The following CDC5L variants were observed in gnomAD, a reference collection of about 807,000 sequenced individuals.
The protein encoded by CDC5L is cell division cycle 5 like.
Under a neutral mutation model 104.1 loss-of-function variants are expected in CDC5L, and 18 were observed. The ratio of observed to expected loss-of-function variants is 0.17; its 90% CI spans 0.12 to 0.26. The LOEUF is 0.26. Among genes scored for constraint, CDC5L ranks in the 10% least tolerant of loss-of-function variants. The pLI is 1.00. For missense variants in CDC5L, 673 were observed against 956.9 expected (o/e 0.70, Z 3.91); for synonymous variants, 331 against 322.7 (o/e 1.03, Z -0.28).
intron 14 of CDC5L, among the ~76,000 whole-genome samples, chr6:44,438,062 C>T (rs1344871227): frequency 6.6e-6 from 1 of 152,164 alleles, no homozygotes; most frequent in Non-Finnish European, 1.5e-5. Context: ...GTGATTCCCG[C>T]CTCAGTCTCC....
intron 14 of CDC5L, among the ~76,000 whole-genome samples, chr6:44,431,536 A>G (rs1391026863): frequency 6.6e-6 from 1 of 152,204 alleles, no homozygotes; most frequent in Non-Finnish European, 1.5e-5. Context: ...CTTACTTAGT[A>G]TGAAAATCTT....
chr6:44,425,311 T>C (rs1482565258), intron 11 of CDC5L, among the ~76,000 whole-genome samples: 1 of 152,176 alleles, frequency 6.6e-6, no homozygotes, highest in Non-Finnish European at 1.5e-5. Context: ...ATAATGCAGA[T>C]GTTCCAGAAT....
chr6:44,389,101 A>G (rs988582148), intron 1 of CDC5L, among the ~76,000 whole-genome samples: 19 of 152,210 alleles, frequency 1.2e-4, no homozygotes, highest in African/African-American at 4.6e-4. Flanking sequence ...GACAGTAACC[A>G]ACATGAAGTA....
intron 1 of CDC5L, among the ~76,000 whole-genome samples, chr6:44,389,769 A>G (rs760657680): frequency 2.0e-5 from 3 of 152,318 alleles, no homozygotes; most frequent in Non-Finnish European, 4.4e-5. Context: ...CAGAGTCCCA[A>G]CTTGCTTCTT....
chr6:44,433,947 A>G (rs1431512850), intron 14 of CDC5L, among the ~76,000 whole-genome samples: 1 of 152,196 alleles, frequency 6.6e-6, no homozygotes, highest in Admixed American at 6.5e-5. Flanking sequence ...GTAGAGTGCT[A>G]TATGTTGTCA....
Position 44,406,304 on chromosome 6 carries a change from C to T in CDC5L, c.759-19C>T, listed in dbSNP as rs1791362252. 1 of 1,565,596 alleles carries T rather than the reference C, an allele frequency of 6.4e-7. No homozygotes were observed. Among genetic ancestry groups the T allele is most frequent in the African/African-American group, 1.4e-5 (1 of 72,424 alleles). ...TATATGTAACTTAAAAATCTCTTTT[C>T]TACTTTGATCCATGACAGTGAAAAA... is the stretch of plus-strand genomic sequence containing the variant. On this transcript the variant is annotated intron_variant, in intron 6 of 15. Coordinates refer to ENST00000371477, the MANE Select transcript of CDC5L (RefSeq NM_001253.4).
chr6:44,390,717 C>G (rs1020933369), intron 2 of CDC5L, among the ~76,000 whole-genome samples: 2 of 152,084 alleles, frequency 1.3e-5, no homozygotes, highest in African/African-American at 4.8e-5. Context: ...TGAGCCCCAG[C>G]TTGTAAATTA....
At chr6:44,432,965 T>G (rs1792754544) in intron 14 of CDC5L, among the ~76,000 whole-genome samples, 1 of 152,220 alleles carries the variant, frequency 6.6e-6, no homozygotes, top group African/African-American at 2.4e-5. Flanking sequence ...TTAATAGCTT[T>G]AAAGACACTA....
intron 8 of CDC5L, among the ~76,000 whole-genome samples, chr6:44,411,235 G>A (rs181622318): frequency 6.6e-6 from 1 of 152,200 alleles, no homozygotes; most frequent in African/African-American, 2.4e-5. Context: ...CTTAGGTGTG[G>A]GTAGGGCTCC....
At chr6:44,389,311 A>G (rs1177319214) in intron 1 of CDC5L, among the ~76,000 whole-genome samples, 2 of 152,206 alleles carry the variant, frequency 1.3e-5, no homozygotes, top group African/African-American at 4.8e-5. Context: ...ACAGATATAA[A>G]ATCAAGTAAC....
At chr6:44,446,067 A>G (rs989618315) in intron 15 of CDC5L, among the ~76,000 whole-genome samples, 200 bp downstream of exon 15, 3 of 152,292 alleles carry the variant, frequency 2.0e-5, no homozygotes, top group Non-Finnish European at 4.4e-5. Flanking sequence ...GTAGATACAA[A>G]GGCCTTCCCT....
chr6:44,413,521 C>G (rs1791755595), intron 8 of CDC5L, among the ~76,000 whole-genome samples: 1 of 152,132 alleles, frequency 6.6e-6, no homozygotes, highest in South Asian at 2.1e-4. Context: ...TTACTGGGTC[C>G]TATGGTGACT....
At chr6:44,411,044 A>G (rs921703875) in intron 8 of CDC5L, among the ~76,000 whole-genome samples, 1 of 149,922 alleles carries the variant, frequency 6.7e-6, no homozygotes, top group African/African-American at 2.5e-5. Context: ...TGAGTATCTT[A>G]TTTCTCTGAG....
chr6:44,387,945 G>GA lies in CDC5L; in HGVS notation c.45+77_45+78insA, dbSNP rs1561965075. 2.1e-6 allele frequency: 3 copies of GA among 1,451,244 alleles called. No homozygotes were observed. In the African/African-American group the frequency reaches 4.3e-5, roughly 21 times the overall value. The allele number at this position is 1,451,244 out of a possible 1,614,324, so 89.9% of individuals were successfully genotyped here. On this transcript the variant is annotated intron_variant, in intron 1 of 15. Coordinates refer to ENST00000371477, the MANE Select transcript of CDC5L (RefSeq NM_001253.4). ...GTGCGCACGCGCGCGGAGGTCGGGG[G>GA]GGCGACGAGGAGACCCTGTGGGGTC...
At chr6:44,415,587 A>G (rs1172447976) in intron 8 of CDC5L, among the ~76,000 whole-genome samples, 1 of 151,964 alleles carries the variant, frequency 6.6e-6, no homozygotes, top group African/African-American at 2.4e-5. Flanking sequence ...TGTGGCAGGT[A>G]CAGTCGCTGC....
rs775976148 is a variant in CDC5L, at chr6:44,429,799, G to A, written c.1980G>A (p.Val660=). 1.5e-5 allele frequency: 25 copies of A among 1,613,974 alleles called. No individual in the cohort carries two copies. The highest frequency in any genetic ancestry group is 2.1e-5 in the Non-Finnish European group (25 of 1,179,938). ...TCTCAAGTGAAGCTTATAACCAGGT[G>A]TGGGAAGAATGCTACAGTCAAGTTT... The part of the protein sequence containing the change: ...GELSSEAYNQ[V]WEECYSQVLY... The change falls in exon 14 of 16, where the codon GTG becomes GTA. Residue 660 remains valine, a synonymous_variant. Transcript: ENST00000371477.
In CDC5L at chr6:44,396,323, TTC is replaced by T; in HGVS notation, c.440-16_440-15del. 6.4e-7 allele frequency: 1 copy of T among 1,570,986 alleles called. No homozygotes were observed. Among genetic ancestry groups the T allele is most frequent in the Non-Finnish European group, 8.7e-7 (1 of 1,147,334 alleles). Reference sequence around the variant, plus strand: ...GAACTAAGAAAATACTTAGTTTTTCTTCTTTTAATTTTTGCAGATGAACTTGA... The same window carrying T: ...GAACTAAGAAAATACTTAGTTTTTCTTTTTAATTTTTGCAGATGAACTTGA... On this transcript the variant is annotated splice_polypyrimidine_tract_variant and intron_variant, in intron 4 of 15. Coordinates refer to ENST00000371477, the MANE Select transcript of CDC5L (RefSeq NM_001253.4).
intron 14 of CDC5L, among the ~76,000 whole-genome samples, chr6:44,442,375 T>TTTG (rs774418467): frequency 6.9e-6 from 1 of 145,022 alleles, no homozygotes; most frequent in African/African-American, 2.5e-5. Context: ...TGTGTGTATG[T>TTTG]TGTGTGTGTG....
chr6:44,411,966 A>T (rs1020043806), intron 8 of CDC5L, among the ~76,000 whole-genome samples: 2 of 152,184 alleles, frequency 1.3e-5, no homozygotes, highest in Admixed American at 6.5e-5. Context: ...GAGAAAACCT[A>T]ACCACTCACA....
Sources: gnomAD v4.1 joint callset for allele counts (sites outside exome capture counted in the v4.1 genomes callset) on GRCh38, gnomAD v4.1.1 for gene constraint, MANE v1.5 for transcripts, NCBI Gene and HGNC (gene_info 2026-07-23, HGNC 2026-07-21) for gene names.